Variants in DLG2 observed in about 807,000 individuals in gnomAD.
DLG2 encodes discs large MAGUK scaffold protein 2, also known as disks large homolog 2.
DLG2 carries 45 observed loss-of-function variants against 132.5 expected under a neutral mutation model. The observed-to-expected ratio is 0.34, with a 90% CI of 0.27 to 0.44. The LOEUF (loss-of-function observed/expected upper bound fraction) is 0.44. DLG2 is among the 20% of genes least tolerant of loss of function. The pLI is 1.00. For synonymous variants in DLG2, 424 were observed against 419.6 expected, an observed-to-expected ratio of 1.01 and a Z score of -0.13; for missense variants, 1,045 against 1,196.9, an observed-to-expected ratio of 0.87 and a Z score of 1.87.
chr11:85,529,073 C>T (rs2075004094), intron 3 of DLG2, among the ~76,000 whole-genome samples: 1 of 152,176 alleles, frequency 6.6e-6, no homozygotes, highest in Non-Finnish European at 1.5e-5. Context: ...AAAGACGAAT[C>T]TACGTGTATT....
chr11:85,007,157 C>T (rs1050777401), intron 6 of DLG2, among the ~76,000 whole-genome samples: 5 of 151,786 alleles, frequency 3.3e-5, no homozygotes, highest in Admixed American at 2.6e-4. Flanking sequence ...GTACAAATTC[C>T]TCATGTGCTA....
At chr11:84,708,561 C>T (rs779751807) in intron 6 of DLG2, among the ~76,000 whole-genome samples, 2 of 151,416 alleles carry the variant, frequency 1.3e-5, no homozygotes, top group Non-Finnish European at 3.0e-5. Context: ...GCAAACTTTT[C>T]AAGATAAAAA....
At chr11:85,232,633 C>T (rs2075361269) in intron 4 of DLG2, among the ~76,000 whole-genome samples, 1 of 151,868 alleles carries the variant, frequency 6.6e-6, no homozygotes, top group Non-Finnish European at 1.5e-5. Context: ...TTGTTTTTCT[C>T]TCACAGTAGC....
chr11:85,110,848 G>T (rs551967947), intron 6 of DLG2, among the ~76,000 whole-genome samples: 64 of 152,220 alleles, frequency 4.2e-4, no homozygotes, highest in African/African-American at 1.5e-3. Flanking sequence ...GGAGTCAAAT[G>T]AGGAGAATTT....
At chr11:83,809,285 G>T (rs1403262897) in intron 17 of DLG2, among the ~76,000 whole-genome samples, 1 of 152,264 alleles carries the variant, frequency 6.6e-6, no homozygotes, top group Non-Finnish European at 1.5e-5. Flanking sequence ...AGAGGAGCTT[G>T]CTCCTGAAAA....
intron 19 of DLG2, among the ~76,000 whole-genome samples, chr11:83,619,500 T>G (rs2061328135): frequency 6.6e-6 from 1 of 152,200 alleles, no homozygotes; most frequent in African/African-American, 2.4e-5. Flanking sequence ...GGTGATAACT[T>G]CAGCTATCTA....
At chr11:85,171,481 T>C (rs2078873824) in intron 4 of DLG2, among the ~76,000 whole-genome samples, 1 of 152,176 alleles carries the variant, frequency 6.6e-6, no homozygotes, top group Admixed American at 6.5e-5. Flanking sequence ...AAACTCCACA[T>C]AATGGCCACT....
chr11:83,820,112 T>G (rs1028367207), intron 17 of DLG2, among the ~76,000 whole-genome samples: 2 of 152,186 alleles, frequency 1.3e-5, no homozygotes, highest in Admixed American at 1.3e-4. Context: ...ATTCCACTAG[T>G]GTCTCCAGTT....
chr11:84,703,881 T>TATATATATAC (rs1039735623), intron 6 of DLG2, among the ~76,000 whole-genome samples: 37 of 122,688 alleles, frequency 3.0e-4, no homozygotes, highest in African/African-American at 5.5e-4. Flanking sequence ...TATATATATA[T>TATATATATAC]ATACACGTGT....
Position 85,140,484 on chromosome 11 carries a change from T to C in DLG2, c.282+14072A>G, listed in dbSNP as rs147850113. Among the ~76,000 whole-genome samples the C allele has an allele frequency of 5.9e-3, 891 of 152,004 alleles. 11 individuals carry two copies. The highest frequency in any genetic ancestry group is 0.02 in the African/African-American group (823 of 41,518). On this transcript the variant is annotated intron_variant, in intron 5 of 27. Coordinates refer to ENST00000376104, the MANE Select transcript of DLG2 (RefSeq NM_001142699.3). ...TAGTTATATATATTTATAGGGTACATGTGATGTTCTGGTACAAGCATAAAA... is the reference window on the plus strand; with the variant it reads ...TAGTTATATATATTTATAGGGTACACGTGATGTTCTGGTACAAGCATAAAA...
chr11:84,806,164 G>A (rs1347415296), intron 6 of DLG2, among the ~76,000 whole-genome samples: 2 of 151,984 alleles, frequency 1.3e-5, no homozygotes, highest in Non-Finnish European at 2.9e-5. Flanking sequence ...AAAATCACAA[G>A]AGCCTCAGGG....
chr11:83,850,339 G>C (rs2059527275), intron 16 of DLG2, among the ~76,000 whole-genome samples: 1 of 152,116 alleles, frequency 6.6e-6, no homozygotes, highest in South Asian at 2.1e-4. Flanking sequence ...ATTTTTAGTA[G>C]AGATGGGGTT....
intron 19 of DLG2, among the ~76,000 whole-genome samples, chr11:83,543,893 G>A (rs2096160614): frequency 6.6e-6 from 1 of 152,092 alleles, no homozygotes; most frequent in Non-Finnish European, 1.5e-5. Flanking sequence ...TAGATTTTGG[G>A]AGGGTTCCCA....
intron 9 of DLG2, among the ~76,000 whole-genome samples, chr11:84,134,077 G>A (rs1458702039): frequency 1.3e-5 from 2 of 151,978 alleles, no homozygotes; most frequent in Admixed American, 6.6e-5. Context: ...CCTGTACTCG[G>A]TTAGATGCTG....
At chr11:84,784,268 C>T (rs374178458) in intron 6 of DLG2, among the ~76,000 whole-genome samples, 145 of 147,414 alleles carry the variant, frequency 9.8e-4, no homozygotes, top group African/African-American at 3.2e-3. Context: ...TTCAGTGAGC[C>T]GAGATTGCAC....
Position 83,654,236 on chromosome 11 carries a change from T to C in DLG2, c.1826-20911A>G, listed in dbSNP as rs78158842. Among the ~76,000 whole-genome samples, 315 of 152,274 alleles carry C rather than the reference T, an allele frequency of 2.1e-3. 1 individual carries two copies. The highest frequency in any genetic ancestry group is 7.3e-3 in the African/African-American group (304 of 41,556). Reference sequence around the variant, plus strand: ...TTAAAGGATGATTTGGACTCTGTCATGGAGCTACATTAGGATTAGAATAAT... The same window carrying C: ...TTAAAGGATGATTTGGACTCTGTCACGGAGCTACATTAGGATTAGAATAAT... On this transcript the variant is annotated intron_variant, in intron 18 of 27. Transcript: ENST00000376104.
intron 18 of DLG2, among the ~76,000 whole-genome samples, chr11:83,689,614 A>C (rs2080486583): frequency 6.6e-6 from 1 of 151,888 alleles, no homozygotes; most frequent in African/African-American, 2.4e-5. Context: ...TGTTCTTATG[A>C]AATAAAAAAA....
At chr11:85,300,227 T>C (rs538870203) in intron 3 of DLG2, among the ~76,000 whole-genome samples, 1 of 152,264 alleles carries the variant, frequency 6.6e-6, no homozygotes, top group African/African-American at 2.4e-5. Flanking sequence ...AGATATTTGA[T>C]AAATGGGAGC....
At chr11:83,928,904 G>A (rs543094037) in intron 15 of DLG2, among the ~76,000 whole-genome samples, 19 of 152,262 alleles carry the variant, frequency 1.2e-4, no homozygotes, top group African/African-American at 3.8e-4. Flanking sequence ...GTCATTACAG[G>A]TATGTGGCTC....
Sources: allele counts gnomAD v4.1 joint callset (sites outside exome capture counted in the v4.1 genomes callset), GRCh38; gene constraint gnomAD v4.1.1; transcripts MANE v1.5; gene names NCBI Gene and HGNC (gene_info 2026-07-23, HGNC 2026-07-21).